SLC22A23: variants seen among roughly 807,000 people sequenced by gnomAD.
SLC22A23 encodes ion transporter protein.
Under a neutral mutation model 61.0 loss-of-function variants are expected in SLC22A23, and 26 were observed. The observed-to-expected ratio is 0.43, with a 90% CI of 0.31 to 0.59. The LOEUF (loss-of-function observed/expected upper bound fraction) is 0.59. SLC22A23 is among the 20% of genes least tolerant of loss of function. The pLI is 0.11. For missense variants in SLC22A23, 796 were observed against 934.7 expected (o/e 0.85, Z 1.94); for synonymous variants, 430 against 413.9 (o/e 1.04, Z -0.47).
intron 4 of SLC22A23, among the ~76,000 whole-genome samples, chr6:3,314,656 A>C (rs942550072): frequency 2.0e-5 from 3 of 152,142 alleles, no homozygotes; most frequent in Admixed American, 2.0e-4. Flanking sequence ...TACATATTGG[A>C]ATTTTTTTTT....
chr6:3,400,387 C>T (rs752991732), intron 3 of SLC22A23, among the ~76,000 whole-genome samples: 6 of 152,142 alleles, frequency 3.9e-5, no homozygotes, highest in African/African-American at 7.2e-5. Flanking sequence ...GAGTGGGCCT[C>T]GTGGAAGAGG....
chr6:3,398,934 C>T (rs1229449618), intron 3 of SLC22A23, among the ~76,000 whole-genome samples: 4 of 152,064 alleles, frequency 2.6e-5, no homozygotes, highest in African/African-American at 4.8e-5. Flanking sequence ...GAGGCTGAGG[C>T]GGGAAGATCC....
At chr6:3,424,934 T>C (rs1770389983) in intron 1 of SLC22A23, among the ~76,000 whole-genome samples, 1 of 152,198 alleles carries the variant, frequency 6.6e-6, no homozygotes, top group African/African-American at 2.4e-5. Flanking sequence ...CCATGTCTTA[T>C]TCCTTCATGC....
At chr6:3,431,083 A>G (rs1274054779) in intron 1 of SLC22A23, among the ~76,000 whole-genome samples, 1 of 147,320 alleles carries the variant, frequency 6.8e-6, no homozygotes, top group East Asian at 2.1e-4. Context: ...AAAAAAAAAA[A>G]AAGAAAGAAA....
At chr6:3,441,736 C>T (rs1771611258) in intron 1 of SLC22A23, among the ~76,000 whole-genome samples, 1 of 152,204 alleles carries the variant, frequency 6.6e-6, no homozygotes, top group African/African-American at 2.4e-5. Context: ...CATTCCCTGC[C>T]CCGCTCATCC....
intron 4 of SLC22A23, chr6:3,312,694 C>T (rs903148323): frequency 1.3e-5 from 2 of 152,326 alleles, no homozygotes; most frequent in Non-Finnish European, 2.9e-5. Flanking sequence ...ATTCCAACCA[C>T]CATGTGGATG....
In SLC22A23 at chr6:3,457,010, T is replaced by C. The variant is rs1281853865; in HGVS notation, c.-451A>G. On this transcript the variant is annotated 5_prime_UTR_variant, in exon 1 of 10. Transcript: ENST00000406686. ...GGTGGCCGCGCTGTATTTCTCCGAC[T>C]TCGGGCGCCTCCCGGAAGCCGCGAG... The C allele has an allele frequency of 6.6e-6, 1 of 151,862 alleles. No homozygotes were observed. Among genetic ancestry groups the C allele is most frequent in the East Asian group, 2.0e-4 (1 of 5,084 alleles). 9.4% of individuals were successfully genotyped at this position (151,862 alleles called of 1,614,324 possible). A position where few individuals can be genotyped will look rare whatever the true frequency, so the allele number is the denominator to read the frequency against.
intron 1 of SLC22A23, chr6:3,439,501 G>A (rs1438979600): frequency 7.5e-6 from 2 of 265,188 alleles, no homozygotes; most frequent in African/African-American, 4.5e-5. Flanking sequence ...ATCAACTCCA[G>A]AGCCCAGTAT....
At chr6:3,391,210 G>A (rs531961995) in intron 3 of SLC22A23, among the ~76,000 whole-genome samples, 1 of 152,296 alleles carries the variant, frequency 6.6e-6, no homozygotes, top group South Asian at 2.1e-4. Context: ...GCACACAAAT[G>A]TCCTCACCAG....
At chr6:3,312,028 A>C (rs913236016) in intron 4 of SLC22A23, 1 of 152,260 alleles carries the variant, frequency 6.6e-6, no homozygotes, top group Non-Finnish European at 1.5e-5. Flanking sequence ...AAGGTGAAGA[A>C]GATGCTGCTC....
intron 3 of SLC22A23, among the ~76,000 whole-genome samples, chr6:3,345,255 T>C (rs1388795736): frequency 6.6e-6 from 1 of 152,200 alleles, no homozygotes; most frequent in Non-Finnish European, 1.5e-5. Flanking sequence ...AAGATACATG[T>C]TGAGTTTTAT....
rs1239668183 is a variant in SLC22A23 at position 3,410,108 on chromosome 6, C to T, written c.913+80G>A. ...TGCCAGCCCACACGAGCAGCATGCA[C>T]AGTATCTTTCCCAGAACCTCCCAGG... On this transcript the variant is annotated intron_variant, in intron 3 of 9. Coordinates refer to ENST00000406686, the MANE Select transcript of SLC22A23 (RefSeq NM_015482.2). The surrounding 1 kb of genome is among the most constrained non-coding windows in gnomAD (Gnocchi z 5.0). 130 of 1,494,900 alleles carry T rather than the reference C, an allele frequency of 8.7e-5. No homozygotes were observed. Among genetic ancestry groups the T allele is most frequent in the Non-Finnish European group, 1.1e-4 (126 of 1,108,810 alleles). The allele number at this position is 1,494,900 out of a possible 1,614,324, so 92.6% of individuals were successfully genotyped here. A position where few individuals can be genotyped will look rare whatever the true frequency, so the allele number is the denominator to read the frequency against.
chr6:3,452,267 A>G (rs1772186782), intron 1 of SLC22A23, among the ~76,000 whole-genome samples: 1 of 152,166 alleles, frequency 6.6e-6, no homozygotes. Flanking sequence ...GGCACACTCA[A>G]CTGTGTGTTC....
intron 3 of SLC22A23, among the ~76,000 whole-genome samples, chr6:3,406,866 G>GA (rs1192051148): frequency 6.3e-4 from 93 of 147,184 alleles, no homozygotes; most frequent in African/African-American, 2.0e-3. Context: ...CTCCAAAGCA[G>GA]AAAAAAAAAA....
Position 3,309,251 on chromosome 6 carries a change from G to A in SLC22A23, c.1083-11033C>T, listed in dbSNP as rs562887571. Among the ~76,000 whole-genome samples, 243 of 152,118 alleles carry A rather than the reference G, an allele frequency of 1.6e-3. No homozygotes were observed. The highest frequency in any genetic ancestry group is 3.1e-3 in the Non-Finnish European group (208 of 68,032). ...GGGAGGTTTGCAGTGGACCAAGGTCGTGCCGCTGCACTCTAGCCTGGGCAA... is the reference window on the plus strand; with the variant it reads ...GGGAGGTTTGCAGTGGACCAAGGTCATGCCGCTGCACTCTAGCCTGGGCAA... On this transcript the variant is annotated intron_variant, in intron 4 of 9. Transcript: ENST00000406686. This position sits in a 1 kb window ranked among gnomAD's most constrained non-coding sequence, Gnocchi z 4.7.
At chr6:3,384,678 C>T (rs1767174618) in intron 3 of SLC22A23, among the ~76,000 whole-genome samples, 1 of 152,200 alleles carries the variant, frequency 6.6e-6, no homozygotes, top group South Asian at 2.1e-4. Flanking sequence ...CAGAACCTCA[C>T]AGATAGCCTC....
intron 9 of SLC22A23, among the ~76,000 whole-genome samples, chr6:3,281,019 T>A (rs34938980): frequency 1.3e-5 from 2 of 152,086 alleles, no homozygotes; most frequent in Non-Finnish European, 1.5e-5. Flanking sequence ...GCGGGTGTCA[T>A]GATCACCAGC....
At chr6:3,441,325 A>G (rs1177460825) in intron 1 of SLC22A23, among the ~76,000 whole-genome samples, 1 of 152,166 alleles carries the variant, frequency 6.6e-6, no homozygotes, top group Non-Finnish European at 1.5e-5. Context: ...TCGTTCTTCC[A>G]TCATTTCCTT....
At chr6:3,405,676 A>G (rs1410947361) in intron 3 of SLC22A23, among the ~76,000 whole-genome samples, 2 of 149,462 alleles carry the variant, frequency 1.3e-5, no homozygotes, top group Admixed American at 6.7e-5. Flanking sequence ...GATCCTGTTG[A>G]CTGAAATAAG....
Sources: gnomAD v4.1 joint callset for allele counts (sites outside exome capture counted in the v4.1 genomes callset) on GRCh38, gnomAD v4.1.1 for gene constraint, Gnocchi (gnomAD v3.1) non-coding constraint, MANE v1.5 for transcripts, NCBI Gene and HGNC (gene_info 2026-07-23, HGNC 2026-07-21) for gene names.